The following CDYL variants were observed in gnomAD, a reference collection of about 807,000 sequenced individuals.
The protein encoded by CDYL is chromodomain Y-like protein.
CDYL carries 8 observed loss-of-function variants against 47.3 expected under a neutral mutation model. That is an observed-to-expected ratio of 0.17 (90% CI 0.10 to 0.31). The LOEUF (loss-of-function observed/expected upper bound fraction) is 0.31. CDYL is among the 10% of genes least tolerant of loss of function. The pLI is 1.00. For missense variants in CDYL, 471 were observed against 701.4 expected (o/e 0.67, Z 3.71); for synonymous variants, 266 against 265.0 (o/e 1.00, Z -0.04).
chr6:4,864,591 G>A (rs976942330), intron 1 of CDYL, among the ~76,000 whole-genome samples: 10 of 152,072 alleles, frequency 6.6e-5, no homozygotes, highest in African/African-American at 2.4e-4. Flanking sequence ...AGGGACCCAG[G>A]GCAAGGGGGT....
intron 1 of CDYL, among the ~76,000 whole-genome samples, chr6:4,778,601 G>A (rs1282177321): frequency 6.6e-6 from 1 of 152,124 alleles, no homozygotes; most frequent in African/African-American, 2.4e-5. Flanking sequence ...TGTCTGTTGG[G>A]GAGGAAGTAA....
chr6:4,709,010 A>AAATAT (rs1027730148), intron 1 of CDYL, among the ~76,000 whole-genome samples: 1 of 152,200 alleles, frequency 6.6e-6, no homozygotes, highest in African/African-American at 2.4e-5. Flanking sequence ...CTGTCTTAAA[A>AAATAT]AAAATAAAAT....
intron 1 of CDYL, among the ~76,000 whole-genome samples, chr6:4,795,340 A>G (rs1008178292): frequency 6.6e-6 from 1 of 152,122 alleles, no homozygotes; most frequent in African/African-American, 2.4e-5. Context: ...TATTTTGTGT[A>G]TATTGCTACA....
At chr6:4,714,031 T>C (rs150560396) in intron 1 of CDYL, 2 of 152,210 alleles carry the variant, frequency 1.3e-5, no homozygotes, top group Non-Finnish European at 2.9e-5. Context: ...TTTGTAGATG[T>C]GATATCATCT....
intron 3 of CDYL, among the ~76,000 whole-genome samples, chr6:4,755,164 ATTC>A (rs1290962334): frequency 2.0e-5 from 3 of 151,388 alleles, no homozygotes. Context: ...GGTTCAAGCT[ATTC>A]TTCTGCCTCA....
chr6:4,751,646 G>A (rs1757995619), intron 3 of CDYL, among the ~76,000 whole-genome samples: 1 of 152,214 alleles, frequency 6.6e-6, no homozygotes, highest in South Asian at 2.1e-4. Context: ...CCCCCATTCA[G>A]GGGTAGCGAT....
At chr6:4,742,736 A>G (rs1223157259) in intron 3 of CDYL, among the ~76,000 whole-genome samples, 2 of 152,206 alleles carry the variant, frequency 1.3e-5, no homozygotes, top group Non-Finnish European at 2.9e-5. Context: ...TCTCTTGTCC[A>G]TTGCCCCCAT....
At position 4,935,580 on chromosome 6, in the gene CDYL, G is replaced by A; in HGVS notation, c.757G>A (p.Gly253Arg). Residue 253 changes from glycine (G) to arginine (R), a missense_variant, in exon 3 of 7, where the codon GGA becomes AGA. Gly to Arg is a moderately radical substitution (Grantham distance 125). Transcript: ENST00000397588. ...GTTNIQTSVT[G>R]VTASKRKFID... Reference sequence around the variant, plus strand: ...AACCAACATACAGACATCTGTTACAGGAGTGACTGCCAGCAAAAGGAAATT... The same window carrying A: ...AACCAACATACAGACATCTGTTACAAGAGTGACTGCCAGCAAAAGGAAATT... 1.2e-6 allele frequency: 2 copies of A among 1,614,158 alleles called. No individual in the cohort carries two copies. The highest frequency in any genetic ancestry group is 1.7e-6 in the Non-Finnish European group (2 of 1,180,024).
chr6:4,860,058 C>T (rs763855584), intron 1 of CDYL, among the ~76,000 whole-genome samples: 2 of 151,878 alleles, frequency 1.3e-5, no homozygotes, highest in Non-Finnish European at 1.5e-5. Context: ...CCCGCCACTA[C>T]CCCCAGCTAA....
At chr6:4,763,714 G>C (rs1446058396) in intron 3 of CDYL, among the ~76,000 whole-genome samples, 1 of 152,180 alleles carries the variant, frequency 6.6e-6, no homozygotes, top group Non-Finnish European at 1.5e-5. Context: ...AGGCCAACAT[G>C]GGCGGATCAC....
chr6:4,887,404 CCT>C (rs1761927075), intron 1 of CDYL, among the ~76,000 whole-genome samples: 1 of 152,026 alleles, frequency 6.6e-6, no homozygotes, highest in African/African-American at 2.4e-5. Flanking sequence ...AAGTTTTACA[CCT>C]CTTTTATTCC....
chr6:4,850,961 G>A (rs1760806208), intron 1 of CDYL, among the ~76,000 whole-genome samples: 1 of 152,150 alleles, frequency 6.6e-6, no homozygotes, highest in Non-Finnish European at 1.5e-5. Context: ...GAAATATAAT[G>A]GCACCGAGGC....
chr6:4,823,462 T>G (rs1228302365), intron 1 of CDYL, among the ~76,000 whole-genome samples: 2 of 152,240 alleles, frequency 1.3e-5, no homozygotes, highest in African/African-American at 4.8e-5. Context: ...GTAGTCCTTT[T>G]CTCTTGTAAT....
At chr6:4,818,317 A>T (rs1561652241) in intron 1 of CDYL, among the ~76,000 whole-genome samples, 1 of 152,212 alleles carries the variant, frequency 6.6e-6, no homozygotes, top group African/African-American at 2.4e-5. Flanking sequence ...GAGTGTGGGC[A>T]ATATAAATGG....
intron 1 of CDYL, among the ~76,000 whole-genome samples, chr6:4,821,854 A>C (rs557898423): frequency 7.2e-5 from 11 of 152,036 alleles, no homozygotes; most frequent in African/African-American, 2.4e-4. Context: ...TACATTGTCC[A>C]TTTGAGGTAA....
chr6:4,829,339 G>C (rs944980331), intron 1 of CDYL, among the ~76,000 whole-genome samples: 3 of 152,134 alleles, frequency 2.0e-5, no homozygotes, highest in Non-Finnish European at 4.4e-5. Context: ...TGAAGCCTCT[G>C]TTCCTCAGAT....
intron 1 of CDYL, 53 bp downstream of exon 1, chr6:4,776,860 G>A: frequency 5.5e-6 from 4 of 723,466 alleles, no homozygotes; most frequent in African/African-American, 2.2e-5. Flanking sequence ...GCCCCTCCCG[G>A]CCCGGCCGCG....
At chr6:4,902,377 G>A (rs983339242) in intron 2 of CDYL, among the ~76,000 whole-genome samples, 14 of 149,672 alleles carry the variant, frequency 9.4e-5, no homozygotes, top group African/African-American at 3.4e-4. Context: ...TTGCACTCCA[G>A]TCTGGGCAAC....
At chr6:4,855,757 A>G (rs1470444299) in intron 1 of CDYL, among the ~76,000 whole-genome samples, 2 of 152,246 alleles carry the variant, frequency 1.3e-5, no homozygotes, top group Admixed American at 1.3e-4. Flanking sequence ...TATGGGCAAC[A>G]CACACTGTTC....
Sources: gnomAD v4.1 joint callset for allele counts (sites outside exome capture counted in the v4.1 genomes callset) on GRCh38, gnomAD v4.1.1 for gene constraint, MANE v1.5 for transcripts, NCBI Gene and HGNC (gene_info 2026-07-23, HGNC 2026-07-21) for gene names.